Variants in ZNF385D observed in about 807,000 individuals in gnomAD.
The protein encoded by ZNF385D is zinc finger protein 659.
A neutral mutation model predicts 35.8 loss-of-function variants in ZNF385D; 15 were observed. The observed-to-expected ratio is 0.42, with a 90% CI of 0.28 to 0.64. The LOEUF (loss-of-function observed/expected upper bound fraction) is 0.64. Among genes scored for constraint, ZNF385D ranks in the 30% least tolerant of loss-of-function variants. The pLI is 0.23. For missense variants in ZNF385D, 474 were observed against 494.6 expected (o/e 0.96, Z 0.39); for synonymous variants, 212 against 186.8 (o/e 1.13, Z -1.10).
rs1700521006 is a variant in ZNF385D at position 21,413,568 on chromosome 3, G to A, written c.*7646C>T. 1 of 151,786 alleles carries A rather than the reference G, an allele frequency of 6.6e-6. No homozygotes were observed. Among genetic ancestry groups the A allele is most frequent in the Admixed American group, 6.6e-5 (1 of 15,222 alleles). The allele number at this position is 151,786 out of a possible 1,614,324, so 9.4% of individuals were successfully genotyped here. ...TCAAATGAGGTATTCTTGTTAGCAG[G>A]TAAAACCTTATATGATCCTTTGCCA... On this transcript the variant is annotated 3_prime_UTR_variant, in exon 8 of 8. Coordinates refer to ENST00000281523, the MANE Select transcript of ZNF385D (RefSeq NM_024697.3).
At chr3:21,421,758 T>C (rs191246977) in intron 7 of ZNF385D, among the ~76,000 whole-genome samples, 5 of 152,294 alleles carry the variant, frequency 3.3e-5, no homozygotes, top group African/African-American at 4.8e-5. Flanking sequence ...TGAGAAAATA[T>C]AGAATATTTT....
At chr3:22,275,646 GA>G (rs1372593841) in intron 2 of ZNF385D, among the ~76,000 whole-genome samples, 1 of 152,046 alleles carries the variant, frequency 6.6e-6, no homozygotes, top group African/African-American at 2.4e-5. Flanking sequence ...TTGGCATTTG[GA>G]AAAGCCAATA....
intron 2 of ZNF385D, among the ~76,000 whole-genome samples, chr3:22,208,594 G>T (rs2125255994): frequency 6.6e-6 from 1 of 151,586 alleles, no homozygotes; most frequent in Middle Eastern, 3.4e-3. Flanking sequence ...AAGGATAAAT[G>T]CTTGATGTAA....
chr3:21,973,961 G>T (rs1703435403), intron 3 of ZNF385D, among the ~76,000 whole-genome samples: 1 of 151,846 alleles, frequency 6.6e-6, no homozygotes, highest in Non-Finnish European at 1.5e-5. Flanking sequence ...TTCACAGATT[G>T]GTAGAATATA....
At chr3:21,708,674 T>A (rs1000009904) in intron 1 of ZNF385D, among the ~76,000 whole-genome samples, 1 of 152,216 alleles carries the variant, frequency 6.6e-6, no homozygotes, top group African/African-American at 2.4e-5. Context: ...AATTATTTTA[T>A]TACAGCTTGG....
intron 3 of ZNF385D, among the ~76,000 whole-genome samples, chr3:22,108,954 A>G (rs1049498110): frequency 3.3e-5 from 5 of 152,066 alleles, no homozygotes; most frequent in African/African-American, 1.2e-4. Flanking sequence ...GGAGGTTGCA[A>G]TGAGCCAAGA....
intron 3 of ZNF385D, among the ~76,000 whole-genome samples, chr3:21,784,266 C>T (rs923911475): frequency 3.9e-5 from 6 of 152,172 alleles, no homozygotes; most frequent in Non-Finnish European, 7.4e-5. Flanking sequence ...TTCTTAAAAA[C>T]AGAAGGTCTC....
chr3:21,521,386 A>G (rs1707892630), intron 3 of ZNF385D, among the ~76,000 whole-genome samples: 1 of 152,204 alleles, frequency 6.6e-6, no homozygotes, highest in Admixed American at 6.5e-5. Flanking sequence ...ACTGCACACC[A>G]GATGCTCTTG....
At chr3:22,267,826 T>G (rs1700972977) in intron 2 of ZNF385D, among the ~76,000 whole-genome samples, 1 of 151,986 alleles carries the variant, frequency 6.6e-6, no homozygotes, top group African/African-American at 2.4e-5. Flanking sequence ...ATATACTCAA[T>G]GTACACTTTT....
chr3:22,131,604 G>A lies in ZNF385D; in HGVS notation c.325+37213C>T, dbSNP rs1238634032. On this transcript the variant is annotated intron_variant, in intron 3 of 5. Coordinates refer to the ZNF385D transcript ENST00000494108. ...ATGGAATGGGACTAAAAAGAGGACA[G>A]AGCAAAGGTATAAGTGGAAGGGAAG... Among the ~76,000 whole-genome samples the A allele has an allele frequency of 3.9e-5, 6 of 152,246 alleles. 1 individual carries two copies. In the East Asian group the frequency reaches 7.7e-4, roughly 20 times the overall value.
At chr3:21,670,586 C>G (rs1039571877) in intron 1 of ZNF385D, among the ~76,000 whole-genome samples, 3 of 142,006 alleles carry the variant, frequency 2.1e-5, no homozygotes, top group African/African-American at 5.3e-5. Context: ...TCTGATCCTA[C>G]TAATAAGAAG....
At chr3:21,713,331 A>G (rs2068188376) in intron 1 of ZNF385D, among the ~76,000 whole-genome samples, 1 of 152,176 alleles carries the variant, frequency 6.6e-6, no homozygotes, top group Non-Finnish European at 1.5e-5. Context: ...AGTGCTCTGC[A>G]ATCTTCTTCA....
chr3:21,480,925 C>T (rs754226919), intron 4 of ZNF385D, among the ~76,000 whole-genome samples: 2 of 152,136 alleles, frequency 1.3e-5, no homozygotes, highest in Non-Finnish European at 2.9e-5. Context: ...TTGAATTTTA[C>T]TTTAAGAAAG....
chr3:22,301,451 G>A (rs892145682), intron 2 of ZNF385D, among the ~76,000 whole-genome samples: 1 of 151,972 alleles, frequency 6.6e-6, no homozygotes, highest in Non-Finnish European at 1.5e-5. Context: ...AAAGGAATAA[G>A]TATGTACAGT....
intron 5 of ZNF385D, among the ~76,000 whole-genome samples, chr3:21,430,376 A>G (rs1211392392): frequency 7.2e-5 from 11 of 152,142 alleles, no homozygotes; most frequent in Non-Finnish European, 1.5e-4. Context: ...AAAACAGAGG[A>G]AAAAATAAGC....
chr3:22,173,968 A>G lies in ZNF385D; in HGVS notation c.107-4933T>C, dbSNP rs530892777. ...CTAACAAAAAATCTAATACACCTCA[A>G]CTGATTCCTTCTATTTATTATCAGT... On this transcript the variant is annotated intron_variant, in intron 2 of 5. Coordinates refer to the ZNF385D transcript ENST00000494108. Among the ~76,000 whole-genome samples the G allele has an allele frequency of 3.3e-5, 5 of 152,004 alleles. No homozygotes were observed. In the South Asian group the frequency reaches 1.0e-3, roughly 32 times the overall value.
Position 22,250,074 on chromosome 3 carries a change from A to C in ZNF385D, c.107-81039T>G, listed in dbSNP as rs551854933. 4.6e-5 allele frequency among the ~76,000 whole-genome samples: 7 copies of C among 152,270 alleles called. No individual in the cohort carries two copies. The South Asian group carries it at 1.2e-3, about 27-fold the overall frequency. ...TGGAGCCTATTTCTAGGTTTTTACAACTGTTTACTCATAAATTTGTAATTT... is the reference window on the plus strand; with the variant it reads ...TGGAGCCTATTTCTAGGTTTTTACACCTGTTTACTCATAAATTTGTAATTT... On this transcript the variant is annotated intron_variant, in intron 2 of 5. Transcript: ENST00000494108.
intron 2 of ZNF385D, among the ~76,000 whole-genome samples, chr3:22,186,916 A>C (rs912072329): frequency 3.9e-5 from 6 of 152,186 alleles, no homozygotes; most frequent in Admixed American, 1.3e-4. Context: ...ACTAACTACA[A>C]ATCTAATTCA....
At chr3:22,019,793 T>C in intron 3 of ZNF385D, among the ~76,000 whole-genome samples, 1 of 151,766 alleles carries the variant, frequency 6.6e-6, no homozygotes, top group East Asian at 1.9e-4. Flanking sequence ...AATAAAAATG[T>C]GGGGCCCTTA....
Sources: gnomAD v4.1 joint callset for allele counts (sites outside exome capture counted in the v4.1 genomes callset) on GRCh38, gnomAD v4.1.1 for gene constraint, MANE v1.5 for transcripts, NCBI Gene and HGNC (gene_info 2026-07-23, HGNC 2026-07-21) for gene names.